Variants in LARS1 observed in about 807,000 individuals in gnomAD.
LARS1 encodes the protein leucyl-tRNA synthetase 1.
Under a neutral mutation model 162.8 loss-of-function variants are expected in LARS1, and 100 were observed. The ratio of observed to expected loss-of-function variants is 0.61; its 90% CI spans 0.52 to 0.73. LARS1 has a LOEUF of 0.73. Among genes scored for constraint, LARS1 ranks in the 30% least tolerant of loss-of-function variants. LARS1 has a pLI of 0.00. For missense variants in LARS1, 1,258 were observed against 1,408.9 expected (o/e 0.89, Z 1.71); for synonymous variants, 457 against 462.8 (o/e 0.99, Z 0.16).
chr5:146,146,158 T>C (rs1437760810), intron 15 of LARS1, among the ~76,000 whole-genome samples: 5 of 152,016 alleles, frequency 3.3e-5, no homozygotes, highest in Non-Finnish European at 7.4e-5. Context: ...CTGTCCAACA[T>C]GGAGAAACCC....
chr5:146,160,431 A>AAGG lies in LARS1; in HGVS notation c.649_650insCCT (p.Ser216dup). 6.3e-7 allele frequency: 1 copy of AAGG among 1,586,718 alleles called. No individual in the cohort carries two copies. The highest frequency in any genetic ancestry group is 8.6e-7 in the Non-Finnish European group (1 of 1,168,622). On this transcript the variant is annotated inframe_insertion, in exon 7 of 32. Transcript: ENST00000394434. ...TAATGTTAAAAATTGCCATCTGACA[A>AAGG]ATGAATCATAGTAAGGATTAACATC...
At chr5:146,175,955 G>C (rs1754541489) in intron 2 of LARS1, among the ~76,000 whole-genome samples, 1 of 151,890 alleles carries the variant, frequency 6.6e-6, no homozygotes, top group Non-Finnish European at 1.5e-5. Flanking sequence ...AGGAGTTTGA[G>C]ACCAGCCTGG....
intron 21 of LARS1, among the ~76,000 whole-genome samples, chr5:146,136,964 C>T (rs1005592042): frequency 6.6e-6 from 1 of 152,082 alleles, no homozygotes; most frequent in African/African-American, 2.4e-5. Context: ...TGCAATGGCA[C>T]GTTCTCAAAT....
chr5:146,125,963 A>G (rs1399355920), intron 28 of LARS1, among the ~76,000 whole-genome samples: 1 of 151,984 alleles, frequency 6.6e-6, no homozygotes. Context: ...ATGCCATTAC[A>G]TATCCTACAG....
At position 146,168,162 on chromosome 5, in the gene LARS1, T is replaced by A; in HGVS notation, c.398A>T (p.Asp133Val). Residue 133 changes from aspartate to valine, a missense_variant, in exon 5 of 32, where the codon GAT becomes GTT. By Grantham distance (152) the Asp-to-Val change is radical. Coordinates refer to ENST00000394434, the MANE Select transcript of LARS1 (RefSeq NM_020117.11). The part of the protein sequence containing the change: ...EEEETSVKTE[D>V]IIIKDKAKGK... ...TTTAGCTTTATCCTTAATTATTATA[T>A]CTTCTGTTTTAACACTGGTTTCTTC... is the stretch of plus-strand genomic sequence containing the variant. 2 of 1,609,642 alleles carry A rather than the reference T, an allele frequency of 1.2e-6. No individual in the cohort carries two copies. The highest frequency in any genetic ancestry group is 1.7e-6 in the Non-Finnish European group (2 of 1,176,264).
intron 1 of LARS1, among the ~76,000 whole-genome samples, chr5:146,178,013 G>T (rs1298336044): frequency 6.6e-6 from 1 of 151,880 alleles, no homozygotes; most frequent in Non-Finnish European, 1.5e-5. Flanking sequence ...CAGGAGAATC[G>T]CTTGAACCAG....
At position 146,151,902 on chromosome 5, in the gene LARS1, T is replaced by C; in HGVS notation, c.1385A>G (p.Glu462Gly). The change falls in exon 14 of 32, where the codon GAA becomes GGA. Residue 462 changes from glutamate to glycine, a missense_variant. Physicochemically the swap from Glu to Gly is moderately conservative, Grantham distance 98. Transcript: ENST00000394434. The part of the protein sequence containing the change: ...QSQNDREKLA[E>G]AKEKIYLKGF... ...TTTTAGATATATCTTCTCCTTTGCT[T>C]CTGCAAGTTTTTCCCGGTCATTCTG... 6.2e-7 allele frequency: 1 copy of C among 1,614,154 alleles called. No individual in the cohort carries two copies.
In LARS1 at chr5:146,136,199, TTAAC is replaced by T. The variant is rs1321936752; in HGVS notation, c.2149-539_2149-536del. ...CGCTTTAAAATTGTATGTCATTAGTTTAACTATGCTGATATCAGAAGGAAATGAT... is the reference window on the plus strand; with the variant it reads ...CGCTTTAAAATTGTATGTCATTAGTTTATGCTGATATCAGAAGGAAATGAT... On this transcript the variant is annotated intron_variant, in intron 21 of 31. Coordinates refer to ENST00000394434, the MANE Select transcript of LARS1 (RefSeq NM_020117.11). 5.9e-5 allele frequency among the ~76,000 whole-genome samples: 9 copies of T among 152,364 alleles called. No individual in the cohort carries two copies. The South Asian group carries it at 6.2e-4, about 11-fold the overall frequency.
chr5:146,179,451 C>T (rs553680754), intron 1 of LARS1, among the ~76,000 whole-genome samples: 11 of 152,234 alleles, frequency 7.2e-5, no homozygotes, highest in African/African-American at 2.4e-4. Context: ...CATGAGCCAC[C>T]CAGCCCGGTC....
Position 146,126,566 on chromosome 5 carries a change from G to A in LARS1, c.2881-21C>T, listed in dbSNP as rs1561799097. On this transcript the variant is annotated intron_variant, in intron 27 of 31. Transcript: ENST00000394434. ...TTGGCCTAAGAAAAGGAAGGAGGGA[G>A]AGTAATGTAGAAAAAAAAGTCTCAA... The A allele has an allele frequency of 2.0e-6, 3 of 1,528,596 alleles. No homozygotes were observed. The East Asian group carries it at 6.8e-5, about 34-fold the overall frequency. The allele number at this position is 1,528,596 out of a possible 1,614,324, so 94.7% of individuals were successfully genotyped here.
chr5:146,179,612 T>TGA (rs1207927580), intron 1 of LARS1: 5 of 395,226 alleles, frequency 1.3e-5, no homozygotes, highest in Admixed American at 5.7e-5. Flanking sequence ...TGTGTCTGTG[T>TGA]GAGAGAGAGA....
At chr5:146,117,633 C>G (rs957425821) in intron 31 of LARS1, among the ~76,000 whole-genome samples, 6 of 152,136 alleles carry the variant, frequency 3.9e-5, no homozygotes, top group African/African-American at 1.2e-4. Flanking sequence ...AAATATAATC[C>G]TATCCAGTGG....
At chr5:146,181,473 C>T (rs1159511253) in intron 1 of LARS1, among the ~76,000 whole-genome samples, 1 of 151,878 alleles carries the variant, frequency 6.6e-6, no homozygotes, top group South Asian at 2.1e-4. Context: ...CCCAGGAGTT[C>T]GAAACCCTGT....
In LARS1 at chr5:146,113,501, GCC is replaced by G. The variant is rs1764066335; in HGVS notation, c.*603_*604del. 6.6e-6 allele frequency: 1 copy of G among 152,196 alleles called. No homozygotes were observed. The highest frequency in any genetic ancestry group is 2.1e-4 in the South Asian group (1 of 4,822). The allele number at this position is 152,196 out of a possible 1,614,324, so 9.4% of individuals were successfully genotyped here. A position where few individuals can be genotyped will look rare whatever the true frequency, so the allele number is the denominator to read the frequency against. On this transcript the variant is annotated 3_prime_UTR_variant, in exon 32 of 32. Coordinates refer to ENST00000394434, the MANE Select transcript of LARS1 (RefSeq NM_020117.11). Reference sequence around the variant, plus strand: ...TACTGCTTATAAACTATTGATATTAGCCTTGAAGAAGCCATTATTGGTTCTTA... The same window carrying G: ...TACTGCTTATAAACTATTGATATTAGTTGAAGAAGCCATTATTGGTTCTTA...
chr5:146,120,418 C>T lies in LARS1; in HGVS notation c.3278G>A (p.Cys1093Tyr). ...CATTAAACGCCTGATTATGGAATCACAGTTATCTCCTTGCCTGATTTCAAT... is the reference window on the plus strand; with the variant it reads ...CATTAAACGCCTGATTATGGAATCATAGTTATCTCCTTGCCTGATTTCAAT... ...TKIEIRQGDN[C>Y]DSIIRRLMKM... The change falls in exon 31 of 32, where the codon TGT becomes TAT. Residue 1093 changes from cysteine (C) to tyrosine (Y), a missense_variant. By Grantham distance (194) the Cys-to-Tyr change is radical (BLOSUM62 -2). Transcript: ENST00000394434. 1.2e-6 allele frequency: 2 copies of T among 1,613,330 alleles called. No individual in the cohort carries two copies. Among genetic ancestry groups the T allele is most frequent in the Non-Finnish European group, 1.7e-6 (2 of 1,179,466 alleles).
At chr5:146,146,532 C>CAAAAAAAAAA (rs573828595) in intron 15 of LARS1, among the ~76,000 whole-genome samples, 4 of 26,502 alleles carry the variant, frequency 1.5e-4, no homozygotes, top group Non-Finnish European at 1.2e-4. Context: ...ATGCCAGAAC[C>CAAAAAAAAAA]AAAAAAAAAA....
At chr5:146,155,306 CAACT>C (rs1368490781) in intron 10 of LARS1, among the ~76,000 whole-genome samples, 11 of 152,116 alleles carry the variant, frequency 7.2e-5, no homozygotes, top group African/African-American at 1.9e-4. Context: ...GACTCAACAA[CAACT>C]AATTATTTTT....
In LARS1 at chr5:146,130,131, C is replaced by A. The variant is rs751652832; in HGVS notation, c.2515G>T (p.Ala839Ser). ...QAAKDKYRELAVEGMHRELVF... is the reference protein window; with the variant it reads ...QAAKDKYRELSVEGMHRELVF... ...AGTTCTCTGTGCATCCCTTCCACAG[C>A]CAATTCACGGTACTTATCTTTTGCG... Residue 839 changes from alanine (A) to serine (S), a missense_variant, in exon 25 of 32, where the codon GCT (alanine) becomes TCT (serine). By Grantham distance (99) the Ala-to-Ser change is moderately conservative. Transcript: ENST00000394434. 1.2e-6 allele frequency: 2 copies of A among 1,613,636 alleles called. No homozygotes were observed. Among genetic ancestry groups the A allele is most frequent in the African/African-American group, 2.7e-5 (2 of 74,904 alleles).
intron 21 of LARS1, among the ~76,000 whole-genome samples, chr5:146,136,372 AAAG>A (rs1472580572): frequency 6.6e-6 from 1 of 152,238 alleles, no homozygotes; most frequent in Admixed American, 6.5e-5. Flanking sequence ...TTTGACTTAC[AAAG>A]AAGAAATGAG....
Sources: gnomAD v4.1 joint callset for allele counts (sites outside exome capture counted in the v4.1 genomes callset) on GRCh38, gnomAD v4.1.1 for gene constraint, MANE v1.5 for transcripts, NCBI Gene and HGNC (gene_info 2026-07-23, HGNC 2026-07-21) for gene names.